The following MPRIP variants were observed in gnomAD, a reference collection of about 807,000 sequenced individuals.
The protein encoded by MPRIP is myosin phosphatase Rho interacting protein, also known as myosin phosphatase Rho-interacting protein.
Under a neutral mutation model 234.9 loss-of-function variants are expected in MPRIP, and 59 were observed. The ratio of observed to expected loss-of-function variants is 0.25; its 90% confidence interval spans 0.20 to 0.31. The LOEUF (loss-of-function observed/expected upper bound fraction) is 0.31, where lower values mean the gene tolerates loss of function less well. Ranked by LOEUF, MPRIP falls within the 10% of genes least tolerant of loss-of-function variation. The pLI is 1.00. For missense variants in MPRIP, 2,436 were observed against 3,071.0 expected, an observed-to-expected ratio of 0.79 and a Z score of 4.89; for synonymous variants, 1,144 against 1,263.9, an observed-to-expected ratio of 0.91 and a Z score of 2.01.
At chr17:17,067,664 A>G (rs1287643762) in intron 1 of MPRIP, among the ~76,000 whole-genome samples, 2 of 152,326 alleles carry the variant, frequency 1.3e-5, no homozygotes, top group East Asian at 3.9e-4. Context: ...ATATTAGTCC[A>G]TAGTTCTTTA....
In MPRIP at chr17:17,180,955, C is replaced by A. The variant is rs12450878; in HGVS notation, c.7206+867C>A. Among the ~76,000 whole-genome samples the A allele has an allele frequency of 9.6e-3, 1,462 of 152,354 alleles. 62 individuals are homozygous for A. Among genetic ancestry groups the A allele is most frequent in the Admixed American group, 0.064 (984 of 15,306 alleles). On this transcript the variant is annotated intron_variant, in intron 23 of 23. Coordinates refer to ENST00000651222, the MANE Select transcript of MPRIP (RefSeq NM_001364716.4). ...ACAACGGCTGAACTCACTCCACCCC[C>A]TCAGGGGACACTTGTCTTGCCCTCT...
intron 15 of MPRIP, among the ~76,000 whole-genome samples, chr17:17,163,763 T>C (rs2045921824): frequency 6.6e-6 from 1 of 152,210 alleles, no homozygotes; most frequent in Non-Finnish European, 1.5e-5. Flanking sequence ...TCCTCCCGCC[T>C]GTCCCTCTTC....
chr17:17,177,934 T>C (rs1371561706), intron 22 of MPRIP, among the ~76,000 whole-genome samples: 2 of 150,826 alleles, frequency 1.3e-5, no homozygotes, highest in East Asian at 3.9e-4. Context: ...AATTTTTTTT[T>C]TTTTTTTTTT....
At position 17,167,096 on chromosome 17, in the gene MPRIP, TTCA is replaced by T; in HGVS notation, c.5507_5509del (p.Ser1836del). On this transcript the variant is annotated inframe_deletion, in exon 16 of 24. Coordinates refer to ENST00000651222, the MANE Select transcript of MPRIP (RefSeq NM_001364716.4). This position sits in a 1 kb window ranked among gnomAD's most constrained non-coding sequence, Gnocchi z 5.9. ...GTTTGGGAGGCCTCGGTCAGTATTC[TTCA>T]TTGTTGGTTCAGGATGCCATTATTC... 7.7e-7 allele frequency: 1 copy of T among 1,304,186 alleles called. No individual in the cohort carries two copies. The highest frequency in any genetic ancestry group is 1.0e-6 in the Non-Finnish European group (1 of 988,946). 80.8% of individuals were successfully genotyped at this position (1,304,186 alleles called of 1,614,324 possible).
At chr17:17,172,288 C>T (rs556245088) in intron 17 of MPRIP, among the ~76,000 whole-genome samples, 1 of 152,378 alleles carries the variant, frequency 6.6e-6, no homozygotes, top group Admixed American at 6.5e-5. Context: ...ACAAGCACGT[C>T]CCCTCCGCCT....
At chr17:17,183,870 A>G (rs1359587575) in intron 23 of MPRIP, among the ~76,000 whole-genome samples, 2 of 152,238 alleles carry the variant, frequency 1.3e-5, no homozygotes, top group South Asian at 2.1e-4. Context: ...ACCCTGAGCT[A>G]GAGCCCATCC....
intron 19 of MPRIP, among the ~76,000 whole-genome samples, chr17:17,174,280 G>A (rs1444857391): frequency 2.0e-5 from 3 of 152,258 alleles, no homozygotes; most frequent in Admixed American, 6.5e-5. Flanking sequence ...AAACATCACC[G>A]CGGATAGCTA....
intron 23 of MPRIP, among the ~76,000 whole-genome samples, chr17:17,181,018 G>A (rs1437233674): frequency 1.3e-5 from 2 of 152,236 alleles, no homozygotes; most frequent in African/African-American, 4.8e-5. Flanking sequence ...ACACTGGCAA[G>A]TGAAGTCTAC....
intron 4 of MPRIP, among the ~76,000 whole-genome samples, chr17:17,127,224 T>C (rs1198792278): frequency 6.6e-6 from 1 of 152,218 alleles, no homozygotes; most frequent in Non-Finnish European, 1.5e-5. Flanking sequence ...CTTCCAGGGC[T>C]GGTGCTGGGC....
At position 17,167,157 on chromosome 17, in the gene MPRIP, C is replaced by G. The variant is rs749328351; in HGVS notation, c.5566C>G (p.Arg1856Gly). 119 of 1,303,934 alleles carry G rather than the reference C, an allele frequency of 9.1e-5. No individual in the cohort carries two copies. The highest frequency in any genetic ancestry group is 1.2e-4 in the Non-Finnish European group (116 of 988,928). 80.8% of individuals were successfully genotyped at this position (1,303,934 alleles called of 1,614,324 possible). A position where few individuals can be genotyped will look rare whatever the true frequency, so the allele number is the denominator to read the frequency against. The change falls in exon 16 of 24, where the codon CGG becomes GGG. Residue 1856 changes from arginine (R) to glycine (G), a missense_variant. Coordinates refer to ENST00000651222, the MANE Select transcript of MPRIP (RefSeq NM_001364716.4). The surrounding 1 kb of genome is among the most constrained non-coding windows in gnomAD (Gnocchi z 5.9). ...AQVCYASCRI[R>G]LEYEKELQLC... Reference sequence around the variant, plus strand: ...GGTTTGCTATGCGTCCTGCAGAATCCGGCTAGAATATGAGAAGGAGCTCCA... The same window carrying G: ...GGTTTGCTATGCGTCCTGCAGAATCGGGCTAGAATATGAGAAGGAGCTCCA...
chr17:17,182,821 T>C (rs564272009), intron 23 of MPRIP: 1 of 152,318 alleles, frequency 6.6e-6, no homozygotes, highest in Non-Finnish European at 1.5e-5. Flanking sequence ...GTGATCAAAC[T>C]CACTACAGTC....
At chr17:17,043,279 C>A (rs188582321) in intron 1 of MPRIP, among the ~76,000 whole-genome samples, 3 of 152,284 alleles carry the variant, frequency 2.0e-5, no homozygotes, top group Non-Finnish European at 4.4e-5. Flanking sequence ...TGCCGCTTGA[C>A]GGGACCCCCC....
intron 3 of MPRIP, among the ~76,000 whole-genome samples, chr17:17,115,974 C>T (rs1050295227): frequency 1.3e-5 from 2 of 152,136 alleles, no homozygotes; most frequent in Non-Finnish European, 2.9e-5. Context: ...CCTGTTAACC[C>T]TTAATGAATA....
chr17:17,046,885 C>T (rs965936194), intron 1 of MPRIP, among the ~76,000 whole-genome samples: 9 of 152,206 alleles, frequency 5.9e-5, no homozygotes, highest in Admixed American at 5.2e-4. Flanking sequence ...TCCAGTAAAA[C>T]TTTATTTACC....
chr17:17,169,675 C>T (rs2046086982), intron 16 of MPRIP, among the ~76,000 whole-genome samples: 1 of 152,330 alleles, frequency 6.6e-6, no homozygotes, highest in East Asian at 1.9e-4. Flanking sequence ...GTGGTGTTCT[C>T]ACCCACCCCT....
intron 1 of MPRIP, among the ~76,000 whole-genome samples, chr17:17,049,244 A>G (rs2088454883): frequency 6.6e-6 from 1 of 152,190 alleles, no homozygotes; most frequent in South Asian, 2.1e-4. Context: ...GGGTGATGAA[A>G]TGTTTTGGAA....
rs193058697 is a variant in MPRIP at position 17,064,289 on chromosome 17, C to T, written c.124-11421C>T. ...CAATCTCGGCTCACTGCAACCTCCG[C>T]TTCCTGGGTTGAAGCGATTCTCCTG... On this transcript the variant is annotated intron_variant, in intron 1 of 23. Transcript: ENST00000651222. Among the ~76,000 whole-genome samples, 49 of 152,014 alleles carry T rather than the reference C, an allele frequency of 3.2e-4. No homozygotes were observed. The East Asian group carries it at 6.4e-3, about 20-fold the overall frequency.
At chr17:17,159,595 A>G (rs12452802) in intron 14 of MPRIP, among the ~76,000 whole-genome samples, 13,331 of 152,260 alleles carry the variant, frequency 0.088, 820 homozygotes, top group East Asian at 0.18. Flanking sequence ...ACCTAGGTAC[A>G]TAGATGAACA....
chr17:17,152,621 G>A (rs1218881125), intron 12 of MPRIP, among the ~76,000 whole-genome samples: 1 of 152,236 alleles, frequency 6.6e-6, no homozygotes, highest in Non-Finnish European at 1.5e-5. Context: ...AGACCTGGTG[G>A]CACAGAGAGC....
Sources: allele counts gnomAD v4.1 joint callset (sites outside exome capture counted in the v4.1 genomes callset), GRCh38; gene constraint gnomAD v4.1.1; non-coding constraint Gnocchi (gnomAD v3.1); transcripts MANE v1.5; gene names NCBI Gene and HGNC (gene_info 2026-07-23, HGNC 2026-07-21).